The following NR2F1-AS1 variants were observed in gnomAD, a reference collection of about 807,000 sequenced individuals.
NR2F1-AS1 encodes NR2F1 antisense RNA 1.
intron 4 of NR2F1-AS1, among the ~76,000 whole-genome samples, chr5:93,553,512 T>C (rs561005194): frequency 6.6e-6 from 1 of 152,358 alleles, no homozygotes; most frequent in East Asian, 1.9e-4. Flanking sequence ...GGAATGAGAA[T>C]GGAGATGACA....
At chr5:93,462,062 T>C (rs940687223) in intron 4 of NR2F1-AS1, among the ~76,000 whole-genome samples, 1 of 152,162 alleles carries the variant, frequency 6.6e-6, no homozygotes, top group African/African-American at 2.4e-5. Context: ...GCAAAGAAAT[T>C]AGCACAAAAT....
chr5:93,427,569 T>C (rs1195879817), intron 4 of NR2F1-AS1, among the ~76,000 whole-genome samples: 1 of 152,206 alleles, frequency 6.6e-6, no homozygotes, highest in Non-Finnish European at 1.5e-5. Flanking sequence ...TGTATTTTCC[T>C]AGTCCACCTG....
At chr5:93,499,694 G>A (rs926949835) in intron 4 of NR2F1-AS1, among the ~76,000 whole-genome samples, 2 of 152,124 alleles carry the variant, frequency 1.3e-5, no homozygotes, top group African/African-American at 4.8e-5. Context: ...GAAAGGAAGA[G>A]TCTCACATCT....
At chr5:93,520,885 T>A (rs552274398) in intron 4 of NR2F1-AS1, among the ~76,000 whole-genome samples, 1 of 152,286 alleles carries the variant, frequency 6.6e-6, no homozygotes, top group Non-Finnish European at 1.5e-5. Context: ...AATTACAAAA[T>A]GAAGCACTTA....
chr5:93,521,297 A>AC (rs1387934552), intron 4 of NR2F1-AS1, among the ~76,000 whole-genome samples: 1 of 152,188 alleles, frequency 6.6e-6, no homozygotes, highest in Non-Finnish European at 1.5e-5. Context: ...ACCATCCTGG[A>AC]CATAGGAAAG....
At chr5:93,562,195 A>AAAGAAAGAAAAGAAAAG (rs1554072355) in intron 2 of NR2F1-AS1, among the ~76,000 whole-genome samples, 27 of 136,724 alleles carry the variant, frequency 2.0e-4, no homozygotes, top group African/African-American at 7.2e-4. Context: ...AAAAAAAAAA[A>AAAGAAAGAAAAGAAAAG]AAAAGAAAAG....
At chr5:93,562,109 A>AG (rs1752501527) in intron 2 of NR2F1-AS1, among the ~76,000 whole-genome samples, 2 of 148,908 alleles carry the variant, frequency 1.3e-5, no homozygotes, top group Non-Finnish European at 3.0e-5. Flanking sequence ...GCACTTTGGG[A>AG]GGCCAAGGTG....
intron 4 of NR2F1-AS1, chr5:93,411,409 G>A (rs1275081495): frequency 6.6e-6 from 1 of 152,204 alleles, no homozygotes; most frequent in Non-Finnish European, 1.5e-5. Context: ...TGAAGGTAAC[G>A]AGATGGTTCT....
intron 2 of NR2F1-AS1, among the ~76,000 whole-genome samples, chr5:93,559,184 A>T (rs1580332933): frequency 6.6e-6 from 1 of 152,226 alleles, no homozygotes; most frequent in Admixed American, 6.5e-5. Flanking sequence ...TCTTCTGGAT[A>T]ACTTGCTATT....
At chr5:93,472,121 G>C (rs1194759655) in intron 4 of NR2F1-AS1, among the ~76,000 whole-genome samples, 1 of 151,800 alleles carries the variant, frequency 6.6e-6, no homozygotes, top group Admixed American at 6.6e-5. Flanking sequence ...CTGGTAAATA[G>C]TGTTGCTATA....
intron 4 of NR2F1-AS1, among the ~76,000 whole-genome samples, chr5:93,523,174 T>G (rs915265903): frequency 6.6e-6 from 1 of 152,082 alleles, no homozygotes; most frequent in Non-Finnish European, 1.5e-5. Flanking sequence ...GAGGGGTGTC[T>G]GCCATTACTG....
At chr5:93,526,249 C>T (rs1473064533) in intron 4 of NR2F1-AS1, among the ~76,000 whole-genome samples, 1 of 152,118 alleles carries the variant, frequency 6.6e-6, no homozygotes, top group African/African-American at 2.4e-5. Flanking sequence ...ACTAGAAAAT[C>T]TAGAAGAAAT....
intron 4 of NR2F1-AS1, among the ~76,000 whole-genome samples, chr5:93,421,952 T>G (rs562702819): frequency 1.3e-5 from 2 of 152,360 alleles, no homozygotes; most frequent in South Asian, 4.1e-4. Context: ...AGCTTCACAC[T>G]GAATCTTTCA....
chr5:93,558,932 T>C (rs1273933986), intron 2 of NR2F1-AS1, among the ~76,000 whole-genome samples: 2 of 152,222 alleles, frequency 1.3e-5, no homozygotes, highest in South Asian at 2.1e-4. Context: ...TTTAGCATAA[T>C]TCTTAAAGGC....
intron 4 of NR2F1-AS1, among the ~76,000 whole-genome samples, chr5:93,472,455 CTAAAA>C (rs1750386685): frequency 6.6e-6 from 1 of 151,606 alleles, no homozygotes; most frequent in Non-Finnish European, 1.5e-5. Flanking sequence ...TTGATACTGA[CTAAAA>C]TAAAAATAGA....
chr5:93,561,593 T>G (rs966687134), intron 2 of NR2F1-AS1, among the ~76,000 whole-genome samples: 1 of 151,930 alleles, frequency 6.6e-6, no homozygotes, highest in Admixed American at 6.5e-5. Flanking sequence ...GGCAACAAAG[T>G]GAGACCCCGT....
intron 1 of NR2F1-AS1, among the ~76,000 whole-genome samples, chr5:93,580,147 C>G (rs561340886): frequency 5.3e-5 from 8 of 152,202 alleles, no homozygotes; most frequent in Non-Finnish European, 1.2e-4. Flanking sequence ...CCCGGGCATC[C>G]GTTTCCCGCC....
intron 4 of NR2F1-AS1, among the ~76,000 whole-genome samples, chr5:93,532,256 A>T (rs1463690753): frequency 1.3e-5 from 2 of 152,220 alleles, no homozygotes; most frequent in African/African-American, 4.8e-5. Context: ...GCAAGAATTT[A>T]TCACAATTCA....
intron 4 of NR2F1-AS1, among the ~76,000 whole-genome samples, chr5:93,503,286 T>C (rs1219692231): frequency 2.0e-5 from 3 of 152,102 alleles, no homozygotes; most frequent in African/African-American, 4.8e-5. Flanking sequence ...AAAAGAACTG[T>C]AAAAAAATTG....
Sources: gnomAD v4.1 joint callset for allele counts (sites outside exome capture counted in the v4.1 genomes callset) on GRCh38, gnomAD v4.1.1 for gene constraint, MANE v1.5 for transcripts, NCBI Gene and HGNC (gene_info 2026-07-23, HGNC 2026-07-21) for gene names.